Variants in ODR4 observed in about 807,000 individuals in gnomAD.
ODR4 encodes protein odr-4 homolog.
A neutral mutation model predicts 60.2 loss-of-function variants in ODR4; 47 were observed. The ratio of observed to expected loss-of-function variants is 0.78; its 90% CI spans 0.62 to 1.00. The LOEUF (loss-of-function observed/expected upper bound fraction) is 1.00. Ranked by LOEUF, ODR4 falls within the 50% of genes least tolerant of loss-of-function variation. The pLI, the probability that ODR4 is intolerant of heterozygous loss-of-function variation, is 0.00. For missense variants in ODR4, 488 were observed against 530.8 expected, an observed-to-expected ratio of 0.92 and a Z score of 0.79; for synonymous variants, 178 against 175.5, an observed-to-expected ratio of 1.01 and a Z score of -0.11.
rs570493132 is a variant in ODR4 at position 186,406,512 on chromosome 1, A to G, written c.1186+244A>G. On this transcript the variant is annotated intron_variant, in intron 12 of 13. Coordinates refer to ENST00000287859, the MANE Select transcript of ODR4 (RefSeq NM_017847.6). ...ACTAAGGTATTTTTCAAGCTTAGCA[A>G]GTAGATCTTAATAAAACAAGTTCAG... Among the ~76,000 whole-genome samples the G allele has an allele frequency of 3.3e-5, 5 of 152,300 alleles. No individual in the cohort carries two copies. In the East Asian group the frequency reaches 9.6e-4, roughly 29 times the overall value.
rs144946312 is a variant in ODR4, at chr1:186,415,568, G to C, written c.1187-1976G>C. ...GCATTCTAATGTCACCTCTAGGATG[G>C]AAGAAAGAAGCTGGTCTGACTCCAG... On this transcript the variant is annotated intron_variant, in intron 12 of 13. Transcript: ENST00000287859. Among the ~76,000 whole-genome samples, 378 of 152,238 alleles carry C rather than the reference G, an allele frequency of 2.5e-3. 5 individuals carry two copies. The highest frequency in any genetic ancestry group is 8.9e-3 in the African/African-American group (369 of 41,540).
the ODR4 span, among the ~76,000 whole-genome samples, chr1:186,431,663 A>T: frequency 6.6e-6 from 1 of 152,192 alleles, no homozygotes; most frequent in Non-Finnish European, 1.5e-5. Context: ...GGGGTAAGGG[A>T]TAGTGTCACT....
At chr1:186,387,838 T>C (rs2102029132) in intron 4 of ODR4, among the ~76,000 whole-genome samples, 1 of 152,346 alleles carries the variant, frequency 6.6e-6, no homozygotes, top group Non-Finnish European at 1.5e-5. Flanking sequence ...TGCATTTTTA[T>C]AATTCTTATT....
intron 9 of ODR4, among the ~76,000 whole-genome samples, chr1:186,396,861 A>G (rs1660702230): frequency 6.6e-6 from 1 of 152,134 alleles, no homozygotes; most frequent in South Asian, 2.1e-4. Context: ...AAAATAGGAC[A>G]TTCTTTTTAG....
rs1385021906 is a variant in ODR4 at position 186,393,997 on chromosome 1, C to T, written c.762C>T (p.Val254=). The T allele has an allele frequency of 1.3e-6, 2 of 1,499,606 alleles. No homozygotes were observed. Among genetic ancestry groups the T allele is most frequent in the South Asian group, 1.2e-5 (1 of 81,904 alleles). The allele number at this position is 1,499,606 out of a possible 1,614,324, so 92.9% of individuals were successfully genotyped here. A position where few individuals can be genotyped will look rare whatever the true frequency, so the allele number is the denominator to read the frequency against. ...AAGCAACTAGTCATTCTTTTGATGTCAGAGTGCTAACGCAGTTGGTAAATA... is the reference window on the plus strand; with the variant it reads ...AAGCAACTAGTCATTCTTTTGATGTTAGAGTGCTAACGCAGTTGGTAAATA... ...NTQATSHSFD[V]RVLTQLLLNS... The change falls in exon 9 of 14, where the codon GTC becomes GTT. Residue 254 remains valine (V), a synonymous_variant. Transcript: ENST00000287859.
chr1:186,409,771 C>T (rs927388822), intron 12 of ODR4, among the ~76,000 whole-genome samples: 11 of 152,136 alleles, frequency 7.2e-5, no homozygotes, highest in African/African-American at 2.7e-4. Flanking sequence ...TTCTCTAACT[C>T]CTGACCTTGT....
intron 11 of ODR4, among the ~76,000 whole-genome samples, chr1:186,402,186 TATTCTTTCTTTC>T (rs1169789480): frequency 1.1e-5 from 1 of 91,504 alleles, no homozygotes; most frequent in African/African-American, 4.7e-5. Flanking sequence ...ATAGGCATCC[TATTCTTTCTTTC>T]TTTCTTTCTT....
At chr1:186,377,941 A>T (rs540816868) in intron 1 of ODR4, among the ~76,000 whole-genome samples, 4 of 152,100 alleles carry the variant, frequency 2.6e-5, no homozygotes, top group Admixed American at 6.6e-5. Flanking sequence ...GCTACTTGGG[A>T]GGCTGAGGCA....
At chr1:186,405,666 C>G (rs1661144773) in intron 11 of ODR4, among the ~76,000 whole-genome samples, 1 of 152,152 alleles carries the variant, frequency 6.6e-6, no homozygotes, top group Non-Finnish European at 1.5e-5. Flanking sequence ...ATCCTCCTGC[C>G]TCAGCCTCCT....
Position 186,388,473 on chromosome 1 carries a change from GA to G in ODR4, c.365del (p.Lys122ArgfsTer15). ...TTTGCTGTGGAAAAGTCTATAAATA[GA>G]AAGAGATTGTGGAATTTCACAGAGG... ...LMFAVEKSIN[R>X]KRLWNFTEEE... is the part of the protein sequence containing the mutation. On this transcript the variant is annotated frameshift_variant, in exon 5 of 14. Coordinates refer to ENST00000287859, the MANE Select transcript of ODR4 (RefSeq NM_017847.6). LOFTEE classifies it high-confidence loss of function. 1 of 1,567,798 alleles carries G rather than the reference GA, an allele frequency of 6.4e-7. No homozygotes were observed. Among genetic ancestry groups the G allele is most frequent in the South Asian group, 1.2e-5 (1 of 83,976 alleles).
chr1:186,399,031 T>C lies in ODR4; in HGVS notation c.987T>C (p.Ile329=), dbSNP rs754017114. 27 of 1,609,682 alleles carry C rather than the reference T, an allele frequency of 1.7e-5. No individual in the cohort carries two copies. Among genetic ancestry groups the C allele is most frequent in the Non-Finnish European group, 2.2e-5 (26 of 1,177,644 alleles). The change falls in exon 11 of 14, where the codon ATT becomes ATC. Residue 329 remains isoleucine, a synonymous_variant. Coordinates refer to ENST00000287859, the MANE Select transcript of ODR4 (RefSeq NM_017847.6). The part of the protein sequence containing the change: ...MLFEDLLLNE[I]PEKKDSEKEF... ...TTGAGGATCTGCTTTTGAATGAAATTCCAGAAAAAAAAGTTATGAGTATAA... is the reference window on the plus strand; with the variant it reads ...TTGAGGATCTGCTTTTGAATGAAATCCCAGAAAAAAAAGTTATGAGTATAA...
chr1:186,429,875 TAATC>T, the ODR4 span, among the ~76,000 whole-genome samples: 1 of 152,188 alleles, frequency 6.6e-6, no homozygotes, highest in African/African-American at 2.4e-5. Flanking sequence ...TAATGAATAT[TAATC>T]AAAGGTGGTC....
chr1:186,413,245 T>A (rs1467266443), intron 12 of ODR4, among the ~76,000 whole-genome samples: 4 of 152,002 alleles, frequency 2.6e-5, no homozygotes, highest in Non-Finnish European at 1.5e-5. Flanking sequence ...AGATTAGGGA[T>A]GCTCAACAAG....
chr1:186,410,003 A>G (rs1458005199), intron 12 of ODR4, among the ~76,000 whole-genome samples: 1 of 152,154 alleles, frequency 6.6e-6, no homozygotes, highest in African/African-American at 2.4e-5. Context: ...TTAAATCATC[A>G]ATTGCATATT....
Position 186,419,820 on chromosome 1 carries a change from A to G in ODR4, c.*744A>G, listed in dbSNP as rs1480556844. 1 of 152,158 alleles carries G rather than the reference A, an allele frequency of 6.6e-6. No individual in the cohort carries two copies. Among genetic ancestry groups the G allele is most frequent in the African/African-American group, 2.4e-5 (1 of 41,452 alleles). The allele number at this position is 152,158 out of a possible 1,614,324, so 9.4% of individuals were successfully genotyped here. A position where few individuals can be genotyped will look rare whatever the true frequency, so the allele number is the denominator to read the frequency against. ...AGAAAAATTTCTACCAAATGAGACA[A>G]CAACTTTAGGATAAGTTCATCCTCT... On this transcript the variant is annotated 3_prime_UTR_variant, in exon 14 of 14. Coordinates refer to ENST00000287859, the MANE Select transcript of ODR4 (RefSeq NM_017847.6).
the ODR4 span, among the ~76,000 whole-genome samples, chr1:186,429,354 A>G: frequency 6.6e-6 from 1 of 152,232 alleles, no homozygotes. Flanking sequence ...GAAAATGAGC[A>G]TATACTGTTG....
chr1:186,379,909 A>G (rs778071911), intron 2 of ODR4, 25 bp downstream of exon 2: 2 of 1,248,246 alleles, frequency 1.6e-6, no homozygotes, highest in East Asian at 2.5e-5. Flanking sequence ...CTCTGCATTT[A>G]TAACTAAATA....
At chr1:186,397,298 T>G (rs758358403) in intron 9 of ODR4, among the ~76,000 whole-genome samples, 1 of 152,206 alleles carries the variant, frequency 6.6e-6, no homozygotes, top group Non-Finnish European at 1.5e-5. Flanking sequence ...TTTCACAAGT[T>G]GTATGATTTG....
rs1661092375 is a variant in ODR4, at chr1:186,404,226, G to T, written c.1001-1857G>T. Reference sequence around the variant, plus strand: ...TATTCCTAAAGGATTCTGCTTTGGAGTGCTTTTTGAGATGTGTCTTTTCCA... The same window carrying T: ...TATTCCTAAAGGATTCTGCTTTGGATTGCTTTTTGAGATGTGTCTTTTCCA... On this transcript the variant is annotated intron_variant, in intron 11 of 13. Coordinates refer to ENST00000287859, the MANE Select transcript of ODR4 (RefSeq NM_017847.6). Among the ~76,000 whole-genome samples, 3 of 152,252 alleles carry T rather than the reference G, an allele frequency of 2.0e-5. No individual in the cohort carries two copies. In the South Asian group the frequency reaches 6.2e-4, roughly 32 times the overall value.
Sources: allele counts gnomAD v4.1 joint callset (sites outside exome capture counted in the v4.1 genomes callset), GRCh38; gene constraint gnomAD v4.1.1; transcripts MANE v1.5; gene names NCBI Gene and HGNC (gene_info 2026-07-23, HGNC 2026-07-21).